Variants in PSD observed in about 807,000 individuals in gnomAD.
The protein encoded by PSD is pleckstrin and Sec7 domain containing.
In PSD, 32 loss-of-function variants were observed where a neutral mutation model predicts 91.6. The observed-to-expected ratio is 0.35, with a 90% CI of 0.26 to 0.47. The LOEUF (loss-of-function observed/expected upper bound fraction) is 0.47. Ranked by LOEUF, PSD falls within the 20% of genes least tolerant of loss-of-function variation. PSD has a pLI of 1.00. For missense variants in PSD, 1,099 were observed against 1,373.9 expected, an observed-to-expected ratio of 0.80 and a Z score of 3.16; for synonymous variants, 532 against 569.3, an observed-to-expected ratio of 0.93 and a Z score of 0.93.
chr10:102,415,922 G>T, intron 3 of PSD, 95 bp downstream of exon 3: 1 of 874,022 alleles, frequency 1.1e-6, no homozygotes, highest in Non-Finnish European at 1.8e-6. Flanking sequence ...CAATTCCAAG[G>T]ATTGGGGGAA....
At position 102,413,955 on chromosome 10, in the gene PSD, G is replaced by A; in HGVS notation, c.1367C>T (p.Pro456Leu). The change falls in exon 5 of 17, where the codon CCA becomes CTA. Residue 456 changes from proline to leucine, a missense_variant. This residue lies in a region of PSD where 631 missense variants were observed against 728.8 expected (regional missense o/e 0.87). Coordinates refer to ENST00000020673, the MANE Select transcript of PSD (RefSeq NM_002779.5). The part of the protein sequence containing the change: ...PQPPAPRPDP[P>L]APAPLAPLEP... ...AAGAGGGGCAAGTGGGGCGGGAGCTGGTGGGTCGGGCCGGGGTGCAGGGGG... is the reference window on the plus strand; with the variant it reads ...AAGAGGGGCAAGTGGGGCGGGAGCTAGTGGGTCGGGCCGGGGTGCAGGGGG... 6.2e-7 allele frequency: 1 copy of A among 1,614,016 alleles called. No individual in the cohort carries two copies. The highest frequency in any genetic ancestry group is 8.5e-7 in the Non-Finnish European group (1 of 1,179,902).
chr10:102,415,227 C>T lies in PSD; in HGVS notation c.760G>A (p.Ala254Thr). Reference protein sequence around the residue: ...YGSLDPPSSGAKPPEQAPPSP... With the variant: ...YGSLDPPSSGTKPPEQAPPSP... ...GGGGGGGCCTGCTCTGGGGGCTTAG[C>T]ACCTGTAGTGTGCATAGGCATCCAG... The change falls in exon 4 of 17, where the codon GCT becomes ACT. Residue 254 changes from alanine (A) to threonine (T), a missense_variant and splice_region_variant. By Grantham distance (58) the Ala-to-Thr change is moderately conservative. This residue lies in a region of PSD where 631 missense variants were observed against 728.8 expected (regional missense o/e 0.87). Coordinates refer to ENST00000020673, the MANE Select transcript of PSD (RefSeq NM_002779.5). The T allele has an allele frequency of 6.2e-7, 1 of 1,605,946 alleles. No homozygotes were observed. Among genetic ancestry groups the T allele is most frequent in the Non-Finnish European group, 8.5e-7 (1 of 1,175,654 alleles).
intron 11 of PSD, 71 bp downstream of exon 11, chr10:102,407,152 T>G: frequency 7.6e-7 from 1 of 1,317,552 alleles, no homozygotes; most frequent in Non-Finnish European, 1.0e-6. Context: ...CTACCCCAGC[T>G]CTCTCAGCCT....
In PSD at chr10:102,416,842, G is replaced by C; in HGVS notation, c.197C>G (p.Pro66Arg). 6.2e-7 allele frequency: 1 copy of C among 1,601,130 alleles called. No individual in the cohort carries two copies. The highest frequency in any genetic ancestry group is 8.5e-7 in the Non-Finnish European group (1 of 1,173,956). The change falls in exon 2 of 17, where the codon CCC becomes CGC. Residue 66 changes from proline (P) to arginine (R), a missense_variant. Physicochemically the swap from Pro to Arg is moderately radical, Grantham distance 103. Coordinates refer to ENST00000020673, the MANE Select transcript of PSD (RefSeq NM_002779.5). This position sits in a 1 kb window ranked among gnomAD's most constrained non-coding sequence, Gnocchi z 6.0. Reference protein sequence around the residue: ...RGRELGRVTAPCTPLRGPPSP... With the variant: ...RGRELGRVTARCTPLRGPPSP... Reference sequence around the variant, plus strand: ...GGGGGGGCCACGCAGAGGTGTACAGGGTGCTGTCACACGTCCCAGTTCCCG... The same window carrying C: ...GGGGGGGCCACGCAGAGGTGTACAGCGTGCTGTCACACGTCCCAGTTCCCG...
chr10:102,415,216 TG>T lies in PSD; in HGVS notation c.770del (p.Pro257GlnfsTer37). 1.2e-6 allele frequency: 2 copies of T among 1,609,276 alleles called. No homozygotes were observed. The highest frequency in any genetic ancestry group is 8.5e-7 in the Non-Finnish European group (1 of 1,177,602). Reference protein sequence around the residue: ...LDPPSSGAKPPEQAPPSPPGV... With the variant: ...LDPPSSGAKPXEQAPPSPPGV... ...CAGGTGGAGATGGGGGGGCCTGCTC[TG>T]GGGGCTTAGCACCTGTAGTGTGCAT... On this transcript the variant is annotated frameshift_variant, in exon 4 of 17. Transcript: ENST00000020673. LOFTEE classifies it high-confidence loss of function.
chr10:102,402,643 G>A lies in PSD; in HGVS notation c.*557C>T, dbSNP rs796730978. 11 of 414,166 alleles carry A rather than the reference G, an allele frequency of 2.7e-5. No homozygotes were observed. Among genetic ancestry groups the A allele is most frequent in the African/African-American group, 2.0e-4 (10 of 49,232 alleles). 25.7% of individuals were successfully genotyped at this position (414,166 alleles called of 1,614,324 possible). A position where few individuals can be genotyped will look rare whatever the true frequency, so the allele number is the denominator to read the frequency against. ...AGCAAGTCCAGAGCAGTTTTAATGG[G>A]GGTGGAGGCTGTACAAAGGGCAAGG... On this transcript the variant is annotated 3_prime_UTR_variant, in exon 17 of 17. Transcript: ENST00000020673.
rs2061481145 is a variant in PSD, at chr10:102,416,410, GGTC to G, written c.626_628del (p.Gly209_Pro210delinsAla). On this transcript the variant is annotated inframe_deletion, in exon 2 of 17. Coordinates refer to ENST00000020673, the MANE Select transcript of PSD (RefSeq NM_002779.5). The surrounding 1 kb of genome is among the most constrained non-coding windows in gnomAD (Gnocchi z 6.0). ...CTGGTTCAGGAATCCAGTGTCAGCAGGTCCTCCGAAGAGTGTGGCCAGGCGCTC... is the reference window on the plus strand; with the variant it reads ...CTGGTTCAGGAATCCAGTGTCAGCAGCTCCGAAGAGTGTGGCCAGGCGCTC... The G allele has an allele frequency of 1.2e-6, 2 of 1,606,536 alleles. No homozygotes were observed. Among genetic ancestry groups the G allele is most frequent in the Non-Finnish European group, 1.7e-6 (2 of 1,176,936 alleles).
At chr10:102,408,854 G>T (rs148440547) in intron 10 of PSD, 58,015 of 984,216 alleles carry the variant, frequency 0.059, 1,923 homozygotes, top group Middle Eastern at 0.16. Flanking sequence ...CCCCTCGGTC[G>T]CCCCGCAACC....
chr10:102,406,776 A>G (rs1445269428), intron 11 of PSD, among the ~76,000 whole-genome samples: 1 of 152,182 alleles, frequency 6.6e-6, no homozygotes, highest in Non-Finnish European at 1.5e-5. Context: ...AAGTGCTGGG[A>G]TTACAGGCGT....
chr10:102,414,892 G>T lies in PSD; in HGVS notation c.1095C>A (p.Asp365Glu), dbSNP rs770222946. ...CCCCTTCAGAGGCCTCAAACACCTC[G>T]TCGTCCACATCTTCTTCCCCACCTG... ...DEAGGEEDVD[D>E]EVFEASEGAR... Residue 365 changes from aspartate to glutamate, a missense_variant, in exon 4 of 17, where the codon GAC becomes GAA. By Grantham distance (45) the Asp-to-Glu change is conservative. This residue lies in a region of PSD where 631 missense variants were observed against 728.8 expected (regional missense o/e 0.87). Coordinates refer to ENST00000020673, the MANE Select transcript of PSD (RefSeq NM_002779.5). This position sits in a 1 kb window ranked among gnomAD's most constrained non-coding sequence, Gnocchi z 5.6. 4.7e-6 allele frequency: 7 copies of T among 1,501,992 alleles called. No individual in the cohort carries two copies. The highest frequency in any genetic ancestry group is 1.9e-4 in the Middle Eastern group (1 of 5,386). The allele number at this position is 1,501,992 out of a possible 1,614,324, so 93.0% of individuals were successfully genotyped here. A position where few individuals can be genotyped will look rare whatever the true frequency, so the allele number is the denominator to read the frequency against.
Position 102,409,385 on chromosome 10 carries a change from C to T in PSD, c.2091+1473G>A. 2.0e-6 allele frequency: 2 copies of T among 984,154 alleles called. No individual in the cohort carries two copies. The highest frequency in any genetic ancestry group is 2.4e-6 in the Non-Finnish European group (2 of 828,726). 61.0% of individuals were successfully genotyped at this position (984,154 alleles called of 1,614,324 possible). On this transcript the variant is annotated intron_variant, in intron 10 of 16. Coordinates refer to ENST00000020673, the MANE Select transcript of PSD (RefSeq NM_002779.5). The surrounding 1 kb of genome is among the most constrained non-coding windows in gnomAD (Gnocchi z 5.7). ...GCCCGATCGCGAAGGGGGCCCTCCC[C>T]GCGCGGCCACGGGGAGGAGCCTGGG...
rs768218372 is a variant in PSD at position 102,415,173 on chromosome 10, C to G, written c.814G>C (p.Gly272Arg). Residue 272 changes from glycine to arginine, a missense_variant, in exon 4 of 17, where the codon GGC becomes CGC. Transcript: ENST00000020673. Reference sequence around the variant, plus strand: ...GCTCGCCCCACAGCCACCCCAGAGCCCTGCCTTGAGCCCACCCCAGGTGGA... The same window carrying G: ...GCTCGCCCCACAGCCACCCCAGAGCGCTGCCTTGAGCCCACCCCAGGTGGA... ...PSPPGVGSRQ[G>R]SGVAVGRAAK... 1.1e-5 allele frequency: 17 copies of G among 1,613,084 alleles called. No individual in the cohort carries two copies. The East Asian group carries it at 3.6e-4, about 34-fold the overall frequency.
upstream of PSD, chr10:102,419,081 ACACGCGTGTCCCGCTCCAGACCC>A (rs1318417340): frequency 1.3e-5 from 4 of 316,338 alleles, no homozygotes; most frequent in African/African-American, 6.6e-5. The surrounding 1 kb of genome is among the most constrained non-coding windows in gnomAD (Gnocchi z 4.8). Flanking sequence ...GCCCGGCTGC[ACACGCGTGTCCCGCTCCAGACCC>A]CACGCGTGTC....
chr10:102,403,979 G>A lies in PSD; in HGVS notation c.2707C>T (p.Gln903Ter). 6.4e-7 allele frequency: 1 copy of A among 1,553,828 alleles called. No homozygotes were observed. The highest frequency in any genetic ancestry group is 8.7e-7 in the Non-Finnish European group (1 of 1,151,382). ...SAATRLSQEE[Q>*]VRTHEAKLKA... Reference sequence around the variant, plus strand: ...AGCTTGGCCTCGTGGGTCCGCACCTGCTCCTCCTAGCGGCCAGGGGGAGGC... The same window carrying A: ...AGCTTGGCCTCGTGGGTCCGCACCTACTCCTCCTAGCGGCCAGGGGGAGGC... Residue 903 changes from glutamine to a stop codon, truncating the protein, a stop_gained, in exon 16 of 17, where the codon CAG (glutamine) becomes TAG (stop). Coordinates refer to ENST00000020673, the MANE Select transcript of PSD (RefSeq NM_002779.5). LOFTEE classifies it high-confidence loss of function. The surrounding 1 kb of genome is among the most constrained non-coding windows in gnomAD (Gnocchi z 6.7).
intron 8 of PSD, 107 bp downstream of exon 8, chr10:102,411,600 C>G: frequency 1.2e-6 from 1 of 825,838 alleles, no homozygotes; most frequent in African/African-American, 1.7e-5. Flanking sequence ...GCATGTACAT[C>G]CATTCCCTGC....
Position 102,412,491 on chromosome 10 carries a change from G to A in PSD, c.1638C>T (p.Thr546=). Residue 546 remains threonine, a synonymous_variant, in exon 6 of 17, where the codon ACC becomes ACT. Coordinates refer to ENST00000020673, the MANE Select transcript of PSD (RefSeq NM_002779.5). Reference sequence around the variant, plus strand: ...GGTCCGCTTTCTGCCCATTGGACAAGGTGTCTGTGCTTCCCAGGGCCAGCC... The same window carrying A: ...GGTCCGCTTTCTGCCCATTGGACAAAGTGTCTGTGCTTCCCAGGGCCAGCC... ...TERLALGSTD[T]LSNGQKADLE... is the part of the protein sequence containing the mutation. 1 of 1,614,112 alleles carries A rather than the reference G, an allele frequency of 6.2e-7. No homozygotes were observed. Among genetic ancestry groups the A allele is most frequent in the Non-Finnish European group, 8.5e-7 (1 of 1,180,034 alleles).
chr10:102,411,672 C>T (rs1343709659), intron 8 of PSD, 35 bp downstream of exon 8: 2 of 1,555,494 alleles, frequency 1.3e-6, no homozygotes, highest in African/African-American at 2.7e-5. Context: ...CCACTGTGGC[C>T]AGCTAAGGAC....
chr10:102,418,192 C>A (rs867229835), intron 1 of PSD, among the ~76,000 whole-genome samples: 7 of 151,862 alleles, frequency 4.6e-5, no homozygotes, highest in Admixed American at 6.6e-5. Flanking sequence ...ACACACTGCT[C>A]AAAGACACAC....
Position 102,414,821 on chromosome 10 carries a change from C to A in PSD, c.1124+42G>T, listed in dbSNP as rs949005315. The A allele has an allele frequency of 4.7e-6, 7 of 1,486,518 alleles. No homozygotes were observed. In the East Asian group the frequency reaches 6.9e-5, roughly 15 times the overall value. 92.1% of individuals were successfully genotyped at this position (1,486,518 alleles called of 1,614,324 possible). On this transcript the variant is annotated intron_variant, in intron 4 of 16. Transcript: ENST00000020673. The surrounding 1 kb of genome is among the most constrained non-coding windows in gnomAD (Gnocchi z 5.6). Reference sequence around the variant, plus strand: ...CTGTGGGCCAGTGCGAAGGAGCAAGCCGCTTCCCTCTCCCACTTCCCCCTC... The same window carrying A: ...CTGTGGGCCAGTGCGAAGGAGCAAGACGCTTCCCTCTCCCACTTCCCCCTC...
Sources: gnomAD v4.1 joint callset for allele counts (sites outside exome capture counted in the v4.1 genomes callset) on GRCh38, gnomAD v4.1.1 for gene constraint, gnomAD v4.1.1 regional missense constraint, Gnocchi (gnomAD v3.1) non-coding constraint, MANE v1.5 for transcripts, NCBI Gene and HGNC (gene_info 2026-07-23, HGNC 2026-07-21) for gene names.